KIAA0753: variants seen among roughly 807,000 people sequenced by gnomAD.
KIAA0753 encodes the protein protein moonraker.
KIAA0753 carries 114 observed loss-of-function variants against 116.9 expected under a neutral mutation model. The observed-to-expected ratio is 0.98, with a 90% CI of 0.84 to 1.14. The LOEUF (loss-of-function observed/expected upper bound fraction) is 1.14. Ranked by LOEUF, KIAA0753 falls within the 50% of genes most tolerant of loss-of-function variation. The pLI is 0.00. For synonymous variants in KIAA0753, 405 were observed against 413.1 expected (o/e 0.98, Z 0.24); for missense variants, 1,156 against 1,172.4 (o/e 0.99, Z 0.20).
chr17:6,598,135 C>T (rs1969605156), intron 14 of KIAA0753, among the ~76,000 whole-genome samples: 1 of 152,138 alleles, frequency 6.6e-6, no homozygotes, highest in Admixed American at 6.5e-5. Context: ...ATTTCACTGC[C>T]AGCATTCATA....
chr17:6,606,410 C>T (rs1480763019), intron 12 of KIAA0753, among the ~76,000 whole-genome samples: 1 of 152,144 alleles, frequency 6.6e-6, no homozygotes, highest in Non-Finnish European at 1.5e-5. Flanking sequence ...GTCTATAGTG[C>T]CTATAGTTTA....
chr17:6,597,367 T>C (rs961466338), intron 14 of KIAA0753, among the ~76,000 whole-genome samples: 4 of 152,028 alleles, frequency 2.6e-5, no homozygotes, highest in Non-Finnish European at 2.9e-5. Context: ...AGACAACCAA[T>C]AATGCTTGCA....
chr17:6,587,723 C>T (rs1968684389), intron 18 of KIAA0753, among the ~76,000 whole-genome samples: 1 of 152,110 alleles, frequency 6.6e-6, no homozygotes, highest in South Asian at 2.1e-4. Flanking sequence ...ATCATATATA[C>T]CAAAGAAAAG....
At chr17:6,593,542 G>A (rs1969241377) in intron 16 of KIAA0753, among the ~76,000 whole-genome samples, 1 of 151,844 alleles carries the variant, frequency 6.6e-6, no homozygotes, top group African/African-American at 2.4e-5. Flanking sequence ...GCTCACACCT[G>A]GAATCCCAGC....
At position 6,628,431 on chromosome 17, in the gene KIAA0753, G is replaced by A. The variant is rs1410442754; in HGVS notation, c.404C>T (p.Thr135Ile). 6 of 1,614,000 alleles carry A rather than the reference G, an allele frequency of 3.7e-6. No homozygotes were observed. Among genetic ancestry groups the A allele is most frequent in the Non-Finnish European group, 5.1e-6 (6 of 1,180,020 alleles). ...CCTGTGGTCGGGTATTTTATACTTA[G>A]TATGTCCACACTTCTGAGAGCTTTG... ...QPQSSQKCGH[T>I]KYKIPDHRVE... The change falls in exon 3 of 19, where the codon ACT (threonine) becomes ATT (isoleucine). Residue 135 changes from threonine (T) to isoleucine (I), a missense_variant. Physicochemically the swap from Thr to Ile is moderately conservative, Grantham distance 89 (BLOSUM62 -1). Transcript: ENST00000361413.
At chr17:6,628,818 TTTCTA>T in intron 2 of KIAA0753, 77 bp from the exon 3 acceptor site, 1 of 1,440,454 alleles carries the variant, frequency 6.9e-7, no homozygotes, top group South Asian at 1.4e-5. Context: ...TATAATCAAA[TTTCTA>T]AAATTTTGCC....
intron 12 of KIAA0753, among the ~76,000 whole-genome samples, chr17:6,602,342 A>C (rs1969930548): frequency 6.6e-6 from 1 of 152,268 alleles, no homozygotes; most frequent in Non-Finnish European, 1.5e-5. Context: ...CTTGATTCAT[A>C]CTAACTATAA....
At chr17:6,599,676 A>G (rs543720861) in intron 13 of KIAA0753, among the ~76,000 whole-genome samples, 1 of 151,748 alleles carries the variant, frequency 6.6e-6, no homozygotes, top group Non-Finnish European at 1.5e-5. Context: ...AGACTACTTG[A>G]CTTCTAAGAG....
At chr17:6,597,683 GATACGTTATAA>G (rs1199061461) in intron 14 of KIAA0753, among the ~76,000 whole-genome samples, 1 of 152,178 alleles carries the variant, frequency 6.6e-6, no homozygotes, top group Non-Finnish European at 1.5e-5. Context: ...GCAATAGACA[GATACGTTATAA>G]TGGTACCTTT....
chr17:6,620,062 T>C (rs986949564), intron 7 of KIAA0753, among the ~76,000 whole-genome samples: 2 of 152,018 alleles, frequency 1.3e-5, no homozygotes, highest in Non-Finnish European at 2.9e-5. Context: ...ATAAGCAAAA[T>C]ACTTAGAACC....
intron 7 of KIAA0753, among the ~76,000 whole-genome samples, chr17:6,615,930 T>C (rs986420782): frequency 6.6e-6 from 1 of 151,962 alleles, no homozygotes; most frequent in Non-Finnish European, 1.5e-5. Flanking sequence ...GGCTCAGGAG[T>C]ATATTCCAAA....
rs763752752 is a variant in KIAA0753 at position 6,612,016 on chromosome 17, A to G, written c.1448T>C (p.Val483Ala). The change falls in exon 8 of 19, where the codon GTG becomes GCG. Residue 483 changes from valine (V) to alanine (A), a missense_variant. Transcript: ENST00000361413. ...TGCTTTTGTTTTTGCCACGGCTAAC[A>G]CCTCGTCTTTGAAGCTTGCACTTTG... Reference protein sequence around the residue: ...LDQSASFKDEVLAVAKTKAGK... With the variant: ...LDQSASFKDEALAVAKTKAGK... 3.5e-5 allele frequency: 56 copies of G among 1,614,002 alleles called. No homozygotes were observed. Among genetic ancestry groups the G allele is most frequent in the Non-Finnish European group, 4.2e-5 (50 of 1,179,996 alleles).
At chr17:6,626,231 TACAA>T (rs1296229747) in intron 3 of KIAA0753, among the ~76,000 whole-genome samples, 1 of 152,244 alleles carries the variant, frequency 6.6e-6, no homozygotes, top group East Asian at 1.9e-4. Flanking sequence ...AATACACTTA[TACAA>T]ACAAATTCTT....
In KIAA0753 at chr17:6,594,286, C is replaced by G. The variant is rs866841738; in HGVS notation, c.2440+686G>C. On this transcript the variant is annotated intron_variant, in intron 16 of 18. Coordinates refer to ENST00000361413, the MANE Select transcript of KIAA0753 (RefSeq NM_014804.3). Reference sequence around the variant, plus strand: ...CTCACTTCAGATTCTGACCCCCCCCCCCAGAACTATAGGAGAATAAATTTG... The same window carrying G: ...CTCACTTCAGATTCTGACCCCCCCCGCCAGAACTATAGGAGAATAAATTTG... Among the ~76,000 whole-genome samples, 32 of 149,290 alleles carry G rather than the reference C, an allele frequency of 2.1e-4. 1 individual carries two copies. Among genetic ancestry groups the G allele is most frequent in the South Asian group, 1.3e-3 (6 of 4,526 alleles).
chr17:6,628,835 C>A (rs2150909735), intron 2 of KIAA0753, 94 bp from the exon 3 acceptor site: 4 of 1,280,312 alleles, frequency 3.1e-6, no homozygotes, highest in Non-Finnish European at 4.2e-6. Flanking sequence ...AATTTTGCCA[C>A]CAGATCATTA....
chr17:6,631,530 A>G (rs1457660989), intron 2 of KIAA0753, among the ~76,000 whole-genome samples: 2 of 151,538 alleles, frequency 1.3e-5, no homozygotes, highest in African/African-American at 4.8e-5. Flanking sequence ...GAGTTTTAAT[A>G]CAGACATATA....
intron 16 of KIAA0753, among the ~76,000 whole-genome samples, chr17:6,594,516 T>A (rs1367555049): frequency 2.6e-5 from 4 of 152,196 alleles, no homozygotes; most frequent in African/African-American, 9.6e-5. Flanking sequence ...CAATCAAAGC[T>A]AACTCAGAAA....
chr17:6,587,164 G>A (rs929140554), intron 18 of KIAA0753, among the ~76,000 whole-genome samples: 8 of 152,014 alleles, frequency 5.3e-5, no homozygotes, highest in East Asian at 1.9e-4. Context: ...CCCAGGAGGC[G>A]GAGGTTGCAG....
chr17:6,589,749 C>T, intron 18 of KIAA0753, 30 bp downstream of exon 18: 1 of 1,563,076 alleles, frequency 6.4e-7, no homozygotes, highest in Non-Finnish European at 8.7e-7. Context: ...AATTTGGTTC[C>T]TAAACAGAGG....
Sources: gnomAD v4.1 joint callset for allele counts (sites outside exome capture counted in the v4.1 genomes callset) on GRCh38, gnomAD v4.1.1 for gene constraint, MANE v1.5 for transcripts, NCBI Gene and HGNC (gene_info 2026-07-23, HGNC 2026-07-21) for gene names.